The following B3GLCT variants were observed in gnomAD, a reference collection of about 807,000 sequenced individuals.
B3GLCT encodes beta 3-glucosyltransferase.
A neutral mutation model predicts 63.4 loss-of-function variants in B3GLCT; 65 were observed. The ratio of observed to expected loss-of-function variants is 1.03; its 90% CI spans 0.84 to 1.26. The LOEUF is 1.26. Ranked by LOEUF, B3GLCT falls within the 50% of genes most tolerant of loss-of-function variation. The pLI is 0.00. For missense variants in B3GLCT, 577 were observed against 604.8 expected (o/e 0.95, Z 0.48); for synonymous variants, 233 against 219.2 (o/e 1.06, Z -0.55).
At position 31,312,023 on chromosome 13, in the gene B3GLCT, G is replaced by A. The variant is rs536944074; in HGVS notation, c.1065-5543G>A. Among the ~76,000 whole-genome samples, 4 of 152,304 alleles carry A rather than the reference G, an allele frequency of 2.6e-5. No homozygotes were observed. In the South Asian group the frequency reaches 8.3e-4, roughly 32 times the overall value. ...TTGACAAAAAGAATATCCTGGTCTG[G>A]GGCAGGCAGTCCCTCAATCTTGCAA... is the stretch of plus-strand genomic sequence containing the variant. On this transcript the variant is annotated intron_variant, in intron 12 of 14. Coordinates refer to ENST00000343307, the MANE Select transcript of B3GLCT (RefSeq NM_194318.4).
In B3GLCT at chr13:31,294,672, TC is replaced by T. The variant is rs1465432544; in HGVS notation, c.1064+7854del. On this transcript the variant is annotated intron_variant, in intron 12 of 14. Transcript: ENST00000343307. ...TTCAGCTCCATCAGGTTATTTCTGTTCTTCTCTAAACTGGTTATTCTAGTTA... is the reference window on the plus strand; with the variant it reads ...TTCAGCTCCATCAGGTTATTTCTGTTTTCTCTAAACTGGTTATTCTAGTTA... Among the ~76,000 whole-genome samples the T allele has an allele frequency of 2.0e-5, 3 of 152,328 alleles. No individual in the cohort carries two copies. In the East Asian group the frequency reaches 5.8e-4, roughly 29 times the overall value.
At chr13:31,241,998 A>C (rs149320340) in intron 4 of B3GLCT, among the ~76,000 whole-genome samples, 197 of 152,320 alleles carry the variant, frequency 1.3e-3, no homozygotes, top group African/African-American at 4.3e-3. Context: ...TTTAGTGCTC[A>C]TATTGGTACA....
At position 31,274,583 on chromosome 13, in the gene B3GLCT, G is replaced by C. The variant is rs772592675; in HGVS notation, c.735G>C (p.Val245=). 6.2e-7 allele frequency: 1 copy of C among 1,614,130 alleles called. No homozygotes were observed. Among genetic ancestry groups the C allele is most frequent in the Non-Finnish European group, 8.5e-7 (1 of 1,180,030 alleles). ...TGCCTGAGTTTTGTACCAATGACGT[G>C]GACTTCTACTGTGCTACCACATTCC... ...TPVPEFCTND[V]DFYCATTFHS... Residue 245 remains valine, a synonymous_variant, in exon 9 of 15, where the codon GTG becomes GTC. Transcript: ENST00000343307.
At chr13:31,252,594 A>G (rs549719568) in intron 6 of B3GLCT, among the ~76,000 whole-genome samples, 188 of 152,320 alleles carry the variant, frequency 1.2e-3, no homozygotes, top group African/African-American at 4.4e-3. Flanking sequence ...CAGACTTTAA[A>G]CCAAGAAAGA....
At chr13:31,241,243 C>T (rs1196698619) in intron 4 of B3GLCT, among the ~76,000 whole-genome samples, 1 of 152,226 alleles carries the variant, frequency 6.6e-6, no homozygotes, top group Non-Finnish European at 1.5e-5. Context: ...AGACGGAGGC[C>T]AGGTGCTCGG....
chr13:31,311,053 G>T (rs889940180), intron 12 of B3GLCT, among the ~76,000 whole-genome samples: 4 of 152,208 alleles, frequency 2.6e-5, no homozygotes, highest in Admixed American at 2.6e-4. Flanking sequence ...GGAGATTTCT[G>T]GCTGGTGAAG....
chr13:31,202,756 C>G (rs1193707389), intron 1 of B3GLCT, among the ~76,000 whole-genome samples: 1 of 152,152 alleles, frequency 6.6e-6, no homozygotes, highest in African/African-American at 2.4e-5. Flanking sequence ...TGTTATCCTC[C>G]TTCCCATTGC....
Position 31,229,236 on chromosome 13 carries a change from C to A in B3GLCT, c.212C>A (p.Ala71Glu). 1 of 1,613,020 alleles carries A rather than the reference C, an allele frequency of 6.2e-7. No individual in the cohort carries two copies. The highest frequency in any genetic ancestry group is 8.5e-7 in the Non-Finnish European group (1 of 1,179,144). Residue 71 changes from alanine (A) to glutamate (E), a missense_variant, in exon 4 of 15, where the codon GCA (alanine) becomes GAA (glutamate). Transcript: ENST00000343307. Reference protein sequence around the residue: ...VIQSQSNSFHAKRAEQLKKSI... With the variant: ...VIQSQSNSFHEKRAEQLKKSI... ...CAGAGTCAAAGTAATTCTTTTCATG[C>A]AAAGAGAGCAGAGCAGTTAAAAAAA...
chr13:31,269,276 A>G lies in B3GLCT; in HGVS notation c.659A>G (p.Glu220Gly), dbSNP rs373765680. ...KSDFTIDLKH[E>G]IALYIWDKGG... is the part of the protein sequence containing the mutation. ...GACTTTACAATAGATTTAAAACATG[A>G]GGTATGTCATGTTTTGTTTGATTAA... The change falls in exon 8 of 15, where the codon GAG (glutamate) becomes GGG (glycine). Residue 220 changes from glutamate (E) to glycine (G), a missense_variant and splice_region_variant. Physicochemically the swap from Glu to Gly is moderately conservative, Grantham distance 98. Coordinates refer to ENST00000343307, the MANE Select transcript of B3GLCT (RefSeq NM_194318.4). 1.3e-6 allele frequency: 2 copies of G among 1,594,762 alleles called. No homozygotes were observed. The highest frequency in any genetic ancestry group is 1.7e-6 in the Non-Finnish European group (2 of 1,163,092).
intron 4 of B3GLCT, among the ~76,000 whole-genome samples, chr13:31,237,625 G>A (rs1870723177): frequency 6.6e-6 from 1 of 152,152 alleles, no homozygotes; most frequent in South Asian, 2.1e-4. Context: ...AAAATGCTGG[G>A]ATTACAGGTG....
chr13:31,234,505 G>A (rs1486864088), intron 4 of B3GLCT, among the ~76,000 whole-genome samples: 1 of 152,182 alleles, frequency 6.6e-6, no homozygotes, highest in Non-Finnish European at 1.5e-5. Flanking sequence ...CTAGGTTGAG[G>A]CTGAGGTGGG....
At chr13:31,314,870 G>T (rs1245720833) in intron 12 of B3GLCT, among the ~76,000 whole-genome samples, 1 of 152,214 alleles carries the variant, frequency 6.6e-6, no homozygotes, top group East Asian at 1.9e-4. Flanking sequence ...GACCCAGTGG[G>T]AGGTAATTGA....
At chr13:31,328,264 TA>T (rs531880777) in intron 14 of B3GLCT, among the ~76,000 whole-genome samples, 1 of 152,182 alleles carries the variant, frequency 6.6e-6, no homozygotes, top group South Asian at 2.1e-4. Flanking sequence ...CAGACTGTAA[TA>T]AAAAAAGTAG....
intron 2 of B3GLCT, among the ~76,000 whole-genome samples, chr13:31,216,380 A>AT (rs1034087974): frequency 4.6e-5 from 7 of 151,574 alleles, no homozygotes; most frequent in East Asian, 1.9e-4. Context: ...AGGTCACATG[A>AT]TTTTTTTTTC....
chr13:31,262,272 A>G (rs1351134429), intron 7 of B3GLCT, among the ~76,000 whole-genome samples: 2 of 152,230 alleles, frequency 1.3e-5, no homozygotes, highest in Non-Finnish European at 2.9e-5. Context: ...GCTTTAATAA[A>G]TGTACGTTAT....
chr13:31,205,235 GT>G (rs549595159), intron 1 of B3GLCT, among the ~76,000 whole-genome samples: 143 of 142,030 alleles, frequency 1.0e-3, no homozygotes, highest in South Asian at 6.8e-3. Flanking sequence ...ATTTGAGTAG[GT>G]TTTTTTTTTT....
At chr13:31,246,946 C>A (rs531073276) in intron 4 of B3GLCT, 77 bp from the exon 5 acceptor site, 3 of 1,011,098 alleles carry the variant, frequency 3.0e-6, no homozygotes, top group African/African-American at 4.0e-5. Context: ...CTTTTCTTTT[C>A]TTTTCTTTTT....
At chr13:31,247,831 C>T (rs1871262259) in intron 5 of B3GLCT, 24 bp from the exon 6 acceptor site, 1 of 1,270,924 alleles carries the variant, frequency 7.9e-7, no homozygotes, top group Non-Finnish European at 1.1e-6. Flanking sequence ...GAAGTGATTA[C>T]TGAAACTTGT....
chr13:31,229,115 A>C, intron 3 of B3GLCT, 70 bp from the exon 4 acceptor site: 1 of 1,002,292 alleles, frequency 1.0e-6, no homozygotes, highest in Non-Finnish European at 1.5e-6. Context: ...CTATTTTTTC[A>C]CTTGTTTTCA....
Sources: gnomAD v4.1 joint callset for allele counts (sites outside exome capture counted in the v4.1 genomes callset) on GRCh38, gnomAD v4.1.1 for gene constraint, MANE v1.5 for transcripts, NCBI Gene and HGNC (gene_info 2026-07-23, HGNC 2026-07-21) for gene names.